UMODL1: variants seen among roughly 807,000 people sequenced by gnomAD.
UMODL1 encodes the protein uromodulin like 1.
Under a neutral mutation model 136.3 loss-of-function variants are expected in UMODL1, and 128 were observed. The observed-to-expected ratio is 0.94, with a 90% CI of 0.81 to 1.09. The LOEUF is 1.09. Among genes scored for constraint, UMODL1 ranks in the 50% least tolerant of loss-of-function variants. The pLI, the probability that UMODL1 is intolerant of heterozygous loss-of-function variation, is 0.00. For missense variants in UMODL1, 1,766 were observed against 1,725.6 expected (o/e 1.02, Z -0.41); for synonymous variants, 721 against 720.0 (o/e 1.00, Z -0.02).
chr21:42,075,853 G>C (rs921108002), intron 1 of UMODL1, 152 bp from the exon 2 acceptor site: 3 of 1,115,536 alleles, frequency 2.7e-6, no homozygotes, highest in Non-Finnish European at 3.9e-6. Flanking sequence ...GCAAAGGCCA[G>C]TGGAGAGGGC....
At chr21:42,108,322 C>G (rs955235946) in intron 9 of UMODL1, 1 of 526,404 alleles carries the variant, frequency 1.9e-6, no homozygotes, top group African/African-American at 1.9e-5. Flanking sequence ...GAGTAGCACC[C>G]CAGGAAGAGG....
chr21:42,063,837 C>T (rs1385807640), intron 1 of UMODL1, among the ~76,000 whole-genome samples: 4 of 152,152 alleles, frequency 2.6e-5, no homozygotes, highest in African/African-American at 7.2e-5. Flanking sequence ...CGGAAGCAGC[C>T]GTGTGCACCA....
intron 20 of UMODL1, among the ~76,000 whole-genome samples, chr21:42,129,318 G>A (rs1273151257): frequency 6.6e-6 from 1 of 152,118 alleles, no homozygotes; most frequent in East Asian, 1.9e-4. Flanking sequence ...AGTCTTTTTT[G>A]TAAGGCAAAG....
intron 4 of UMODL1, among the ~76,000 whole-genome samples, chr21:42,086,970 A>G (rs982834283): frequency 6.6e-6 from 1 of 152,216 alleles, no homozygotes; most frequent in African/African-American, 2.4e-5. Context: ...TTGTCTCTAA[A>G]TAAATAAAAA....
intron 17 of UMODL1, among the ~76,000 whole-genome samples, chr21:42,124,271 A>T (rs976472357): frequency 6.6e-6 from 1 of 152,318 alleles, no homozygotes; most frequent in Admixed American, 6.5e-5. Context: ...TACTGGACAC[A>T]GGGGCCTGGG....
chr21:42,082,368 G>A (rs2146434519), intron 2 of UMODL1, among the ~76,000 whole-genome samples: 1 of 152,282 alleles, frequency 6.6e-6, no homozygotes, highest in East Asian at 1.9e-4. Context: ...ACCCTCGCGG[G>A]GGTGAGTCCA....
intron 2 of UMODL1, among the ~76,000 whole-genome samples, chr21:42,079,134 G>A (rs112127557): frequency 5.3e-5 from 8 of 152,258 alleles, no homozygotes; most frequent in African/African-American, 1.9e-4. Flanking sequence ...AGGGGAGGAG[G>A]CCCTGGGGGA....
chr21:42,103,852 G>A lies in UMODL1; in HGVS notation c.1300-16G>A, dbSNP rs754224725. 2 of 1,614,092 alleles carry A rather than the reference G, an allele frequency of 1.2e-6. No homozygotes were observed. The highest frequency in any genetic ancestry group is 3.3e-5 in the Admixed American group (2 of 60,024). On this transcript the variant is annotated splice_polypyrimidine_tract_variant and intron_variant, in intron 8 of 22. Coordinates refer to ENST00000408910, the MANE Select transcript of UMODL1 (RefSeq NM_001004416.3). ...AAGACGTTGATGGATGTCTGCTGTT[G>A]CCTCTTCTTGGCTAGGTCGAGAGCT...
intron 12 of UMODL1, 40 bp from the exon 13 acceptor site, chr21:42,113,533 G>C (rs767204779): frequency 1.3e-6 from 2 of 1,584,310 alleles, no homozygotes; most frequent in Non-Finnish European, 1.7e-6. Context: ...TCCTAGAAAT[G>C]GCTTGATTGT....
chr21:42,120,979 T>A, intron 15 of UMODL1, 108 bp from the exon 16 acceptor site: 2 of 1,408,432 alleles, frequency 1.4e-6, no homozygotes, highest in Non-Finnish European at 1.9e-6. Context: ...CTGCTGTGGC[T>A]GGAGTTTCCA....
rs554228351 is a variant in UMODL1 at position 42,141,668 on chromosome 21, G to A, written c.*22-428G>A. ...TGAGAACTGTCTCACCAGTTCTAAA[G>A]TTCCTGCAGACATCTGCTCTTTGAA... On this transcript the variant is annotated intron_variant, in intron 22 of 22. Coordinates refer to ENST00000408910, the MANE Select transcript of UMODL1 (RefSeq NM_001004416.3). Among the ~76,000 whole-genome samples the A allele has an allele frequency of 1.1e-3, 161 of 152,304 alleles. 1 individual carries two copies. The South Asian group carries it at 0.02, about 19-fold the overall frequency.
intron 4 of UMODL1, among the ~76,000 whole-genome samples, chr21:42,086,155 G>C (rs1353587392): frequency 1.3e-5 from 2 of 152,240 alleles, no homozygotes; most frequent in Non-Finnish European, 2.9e-5. Context: ...CCCTCCCTGG[G>C]GGATGGTCTG....
intron 6 of UMODL1, among the ~76,000 whole-genome samples, chr21:42,090,968 C>A (rs1209589225): frequency 1.3e-5 from 2 of 151,852 alleles, no homozygotes; most frequent in Non-Finnish European, 2.9e-5. Flanking sequence ...CCGTTTTTTT[C>A]TTCGAAACGG....
intron 6 of UMODL1, among the ~76,000 whole-genome samples, chr21:42,094,304 A>G (rs565249289): frequency 2.0e-5 from 3 of 152,324 alleles, no homozygotes; most frequent in African/African-American, 7.2e-5. Context: ...TAAGGGAAAC[A>G]GCATCCCCGG....
chr21:42,089,945 C>T (rs1016507678), intron 5 of UMODL1, among the ~76,000 whole-genome samples: 6 of 152,220 alleles, frequency 3.9e-5, no homozygotes, highest in African/African-American at 1.4e-4. Flanking sequence ...GCGCAGAAAA[C>T]ACCCACTGAT....
At position 42,122,684 on chromosome 21, in the gene UMODL1, C is replaced by T. The variant is rs1052017845; in HGVS notation, c.2828-147C>T. 5 of 680,610 alleles carry T rather than the reference C, an allele frequency of 7.3e-6. No individual in the cohort carries two copies. Among genetic ancestry groups the T allele is most frequent in the East Asian group, 2.7e-5 (1 of 36,390 alleles). 42.2% of individuals were successfully genotyped at this position (680,610 alleles called of 1,614,324 possible). A position where few individuals can be genotyped will look rare whatever the true frequency, so the allele number is the denominator to read the frequency against. On this transcript the variant is annotated intron_variant, in intron 16 of 22. Coordinates refer to ENST00000408910, the MANE Select transcript of UMODL1 (RefSeq NM_001004416.3). The surrounding 1 kb of genome is among the most constrained non-coding windows in gnomAD (Gnocchi z 4.3). Reference sequence around the variant, plus strand: ...GTGCGTGTGTGTGTGTGTGTGTGCACGTGTGTAGTTGTGGCTGGAACATGC... The same window carrying T: ...GTGCGTGTGTGTGTGTGTGTGTGCATGTGTGTAGTTGTGGCTGGAACATGC...
chr21:42,090,334 G>A lies in UMODL1; in HGVS notation c.827G>A (p.Cys276Tyr), dbSNP rs762356990. The A allele has an allele frequency of 1.5e-5, 24 of 1,614,088 alleles. No homozygotes were observed. The East Asian group carries it at 5.1e-4, about 34-fold the overall frequency. Residue 276 changes from cysteine (C) to tyrosine (Y), a missense_variant, in exon 6 of 23, where the codon TGC (cysteine) becomes TAC (tyrosine). Physicochemically the swap from Cys to Tyr is radical, Grantham distance 194. Transcript: ENST00000408910. ...TGTTTCTATGAGGAGCTCAATGCCTGCTCTGGAAGGGAACTGTGCGCAAAC... is the reference window on the plus strand; with the variant it reads ...TGTTTCTATGAGGAGCTCAATGCCTACTCTGGAAGGGAACTGTGCGCAAAC... ...NECFYEELNACSGRELCANLE... is the reference protein window; with the variant it reads ...NECFYEELNAYSGRELCANLE...
chr21:42,078,107 C>T (rs1428648880), intron 2 of UMODL1, among the ~76,000 whole-genome samples: 1 of 152,230 alleles, frequency 6.6e-6, no homozygotes, highest in Admixed American at 6.5e-5. Context: ...TAAAACAATA[C>T]CACCATAACC....
chr21:42,106,326 G>A lies in UMODL1; in HGVS notation c.1519+2239G>A, dbSNP rs554706173. 4.6e-5 allele frequency among the ~76,000 whole-genome samples: 7 copies of A among 152,150 alleles called. No homozygotes were observed. The East Asian group carries it at 1.2e-3, about 25-fold the overall frequency. ...TAGAAGAAGACATTTGATATTACTCGGCAAAAAAAACAAGAAACGAAAACA... is the reference window on the plus strand; with the variant it reads ...TAGAAGAAGACATTTGATATTACTCAGCAAAAAAAACAAGAAACGAAAACA... On this transcript the variant is annotated intron_variant, in intron 9 of 22. Transcript: ENST00000408910.
Sources: gnomAD v4.1 joint callset for allele counts (sites outside exome capture counted in the v4.1 genomes callset) on GRCh38, gnomAD v4.1.1 for gene constraint, Gnocchi (gnomAD v3.1) non-coding constraint, MANE v1.5 for transcripts, NCBI Gene and HGNC (gene_info 2026-07-23, HGNC 2026-07-21) for gene names.